The following NUFIP2 variants were observed in gnomAD, a reference collection of about 807,000 sequenced individuals.
NUFIP2 encodes the protein nuclear FMR1 interacting protein 2, also known as FMR1-interacting protein NUFIP2.
In NUFIP2, 6 loss-of-function variants were observed where a neutral mutation model predicts 56.9. The ratio of observed to expected loss-of-function variants is 0.11; its 90% CI spans 0.06 to 0.21. NUFIP2 has a LOEUF of 0.21. NUFIP2 is among the 10% of genes least tolerant of loss of function. The pLI is 1.00. For synonymous variants in NUFIP2, 321 were observed against 298.2 expected (o/e 1.08, Z -0.79); for missense variants, 828 against 826.8 (o/e 1.00, Z -0.02).
At chr17:29,290,993 C>T (rs1243900304) in intron 1 of NUFIP2, among the ~76,000 whole-genome samples, 1 of 147,772 alleles carries the variant, frequency 6.8e-6, no homozygotes, top group African/African-American at 2.5e-5. Context: ...AATGAAAAAA[C>T]GGCTTAGAAG....
At chr17:29,293,157 G>C (rs1392093379) in intron 1 of NUFIP2, among the ~76,000 whole-genome samples, 1 of 151,698 alleles carries the variant, frequency 6.6e-6, no homozygotes. Flanking sequence ...AGGAGCCGCG[G>C]GACAAGACTG....
At chr17:29,277,093 C>T (rs1410664229) in intron 2 of NUFIP2, among the ~76,000 whole-genome samples, 19 of 152,240 alleles carry the variant, frequency 1.2e-4, no homozygotes, top group African/African-American at 3.6e-4. Context: ...AGCACAATCT[C>T]GGTTCACAGC....
rs1490307998 is a variant in NUFIP2, at chr17:29,256,987, C to G, written c.*7552G>C. 1 of 152,106 alleles carries G rather than the reference C, an allele frequency of 6.6e-6. No homozygotes were observed. The highest frequency in any genetic ancestry group is 1.9e-4 in the East Asian group (1 of 5,204). 9.4% of individuals were successfully genotyped at this position (152,106 alleles called of 1,614,324 possible). A position where few individuals can be genotyped will look rare whatever the true frequency, so the allele number is the denominator to read the frequency against. On this transcript the variant is annotated 3_prime_UTR_variant, in exon 4 of 4. Coordinates refer to ENST00000225388, the MANE Select transcript of NUFIP2 (RefSeq NM_020772.3). ...TCCTACCTTTAAACCAGCTTTAAGACAAAAAATCGTCACCAAGTTCCATAT... is the reference window on the plus strand; with the variant it reads ...TCCTACCTTTAAACCAGCTTTAAGAGAAAAAATCGTCACCAAGTTCCATAT...
chr17:29,290,516 C>T (rs1396050390), intron 1 of NUFIP2, among the ~76,000 whole-genome samples: 2 of 151,496 alleles, frequency 1.3e-5, no homozygotes, highest in Admixed American at 6.6e-5. Context: ...AAAAAATCAG[C>T]TGGGCATGGT....
At position 29,260,069 on chromosome 17, in the gene NUFIP2, A is replaced by G. The variant is rs762281067; in HGVS notation, c.*4470T>C. 1 of 152,232 alleles carries G rather than the reference A, an allele frequency of 6.6e-6. No individual in the cohort carries two copies. Among genetic ancestry groups the G allele is most frequent in the African/African-American group, 2.4e-5 (1 of 41,468 alleles). 9.4% of individuals were successfully genotyped at this position (152,232 alleles called of 1,614,324 possible). ...TTGATTAATTACATTAGTAAAAATAACATCGATATTAAGAACTAATGTTAA... is the reference window on the plus strand; with the variant it reads ...TTGATTAATTACATTAGTAAAAATAGCATCGATATTAAGAACTAATGTTAA... On this transcript the variant is annotated 3_prime_UTR_variant, in exon 4 of 4. Coordinates refer to ENST00000225388, the MANE Select transcript of NUFIP2 (RefSeq NM_020772.3).
In NUFIP2 at chr17:29,273,975, G is replaced by GA. The variant is rs545506734; in HGVS notation, c.2003-6446dup. Among the ~76,000 whole-genome samples, 16 of 151,050 alleles carry GA rather than the reference G, an allele frequency of 1.1e-4. 1 individual carries two copies. The highest frequency in any genetic ancestry group is 4.2e-4 in the South Asian group (2 of 4,726). On this transcript the variant is annotated intron_variant, in intron 2 of 3. Coordinates refer to ENST00000225388, the MANE Select transcript of NUFIP2 (RefSeq NM_020772.3). ...AATACTACTCACCAGCTCAGGGTAT[G>GA]AAAAAAAAATACTACTCACCAGCTC... is the stretch of plus-strand genomic sequence containing the variant.
At chr17:29,267,242 C>T (rs1365417929) in intron 3 of NUFIP2, among the ~76,000 whole-genome samples, 6 of 149,328 alleles carry the variant, frequency 4.0e-5, no homozygotes, top group Admixed American at 2.7e-4. Context: ...AAAATAGAGA[C>T]GGGGTCTGGC....
At chr17:29,291,342 G>T (rs763292232) in intron 1 of NUFIP2, among the ~76,000 whole-genome samples, 6 of 151,870 alleles carry the variant, frequency 4.0e-5, no homozygotes, top group African/African-American at 9.7e-5. Context: ...CCCTCTTCTG[G>T]ATTAAAAAAA....
chr17:29,283,113 T>C (rs1281471282), intron 2 of NUFIP2, among the ~76,000 whole-genome samples: 1 of 152,176 alleles, frequency 6.6e-6, no homozygotes, highest in Non-Finnish European at 1.5e-5. Context: ...CTACAGCAAA[T>C]TTTTTCATTA....
chr17:29,270,323 A>AG (rs1229659474), intron 2 of NUFIP2, among the ~76,000 whole-genome samples: 1 of 129,960 alleles, frequency 7.7e-6, no homozygotes, highest in East Asian at 2.5e-4. Flanking sequence ...TCTAACCTGG[A>AG]GAAAAAAAAA....
Position 29,287,710 on chromosome 17 carries a change from C to T in NUFIP2, c.284G>A (p.Gly95Asp). The change falls in exon 2 of 4, where the codon GGT becomes GAT. Residue 95 changes from glycine to aspartate, a missense_variant. Gly to Asp is a moderately conservative substitution (Grantham distance 94). This residue lies in a region of NUFIP2 where 415 missense variants were observed against 408.7 expected (regional missense o/e 1.02). Coordinates refer to ENST00000225388, the MANE Select transcript of NUFIP2 (RefSeq NM_020772.3). Reference sequence around the variant, plus strand: ...TTCTCCAGCATTACCGTTTAGTTCACCATAGCCTAGGGGAGGGGAAAAAAA... The same window carrying T: ...TTCTCCAGCATTACCGTTTAGTTCATCATAGCCTAGGGGAGGGGAAAAAAA... ...QETPKKKTGYGELNGNAGERE... is the reference protein window; with the variant it reads ...QETPKKKTGYDELNGNAGERE... 6.3e-7 allele frequency: 1 copy of T among 1,596,442 alleles called. No individual in the cohort carries two copies. The highest frequency in any genetic ancestry group is 8.5e-7 in the Non-Finnish European group (1 of 1,173,446).
chr17:29,280,186 A>T (rs1237329803), intron 2 of NUFIP2, among the ~76,000 whole-genome samples: 1 of 152,238 alleles, frequency 6.6e-6, no homozygotes, highest in Non-Finnish European at 1.5e-5. Flanking sequence ...GTGCCATAAC[A>T]GCCATGTAAG....
rs1387825391 is a variant in NUFIP2 at position 29,286,091 on chromosome 17, A to ACAAAGTGTTCGTAGGAGAGGC, written c.1882_1902dup (p.Ala628_Leu634dup). On this transcript the variant is annotated inframe_insertion, in exon 2 of 4. Coordinates refer to ENST00000225388, the MANE Select transcript of NUFIP2 (RefSeq NM_020772.3). ...TATCTCTGTTCTTTGGCAGAGCCTA[A>ACAAAGTGTTCGTAGGAGAGGC]CAAAGTGTTCGTAGGAGAGGCCAGA... The ACAAAGTGTTCGTAGGAGAGGC allele has an allele frequency of 3.7e-6, 6 of 1,614,092 alleles. No individual in the cohort carries two copies. The highest frequency in any genetic ancestry group is 4.2e-6 in the Non-Finnish European group (5 of 1,179,946).
intron 2 of NUFIP2, among the ~76,000 whole-genome samples, chr17:29,272,364 C>T (rs1198349731): frequency 1.3e-5 from 2 of 151,666 alleles, no homozygotes; most frequent in African/African-American, 4.8e-5. Flanking sequence ...CCTCAGCCTC[C>T]CGAATAGCTG....
rs114067254 is a variant in NUFIP2 at position 29,287,671 on chromosome 17, A to G, written c.323T>C (p.Leu108Ser). 1.0e-3 allele frequency: 1,660 copies of G among 1,613,020 alleles called. 14 individuals carry two copies. The African/African-American group carries it at 0.02, about 19-fold the overall frequency. ...GGCTTCATCAGAACTCAGGTTCTTT[A>G]AAGATATTTCTCTTTCTCCAGCATT... ...NGNAGEREISLKNLSSDEATN... is the reference protein window; with the variant it reads ...NGNAGEREISSKNLSSDEATN... Residue 108 changes from leucine (L) to serine (S), a missense_variant, in exon 2 of 4, where the codon TTA becomes TCA. Transcript: ENST00000225388.
At position 29,286,202 on chromosome 17, in the gene NUFIP2, T is replaced by C. The variant is rs1357149856; in HGVS notation, c.1792A>G (p.Ile598Val). The change falls in exon 2 of 4, where the codon ATA becomes GTA. Residue 598 changes from isoleucine (I) to valine (V), a missense_variant. Transcript: ENST00000225388. ...SGALSLEPSHIGDLQKADTSS... is the reference protein window; with the variant it reads ...SGALSLEPSHVGDLQKADTSS... ...GTGTCTGCTTTCTGCAGGTCACCTATATGACTGGGTTCCAAGGATAAGGCT... is the reference window on the plus strand; with the variant it reads ...GTGTCTGCTTTCTGCAGGTCACCTACATGACTGGGTTCCAAGGATAAGGCT... The C allele has an allele frequency of 1.9e-6, 3 of 1,614,016 alleles. No homozygotes were observed. In the African/African-American group the frequency reaches 4.0e-5, roughly 22 times the overall value.
intron 3 of NUFIP2, among the ~76,000 whole-genome samples, chr17:29,265,622 T>C (rs1199342691): frequency 6.8e-6 from 1 of 146,612 alleles, no homozygotes; most frequent in Non-Finnish European, 1.5e-5. Context: ...TTTTATTATA[T>C]ATTATTTTAT....
In NUFIP2 at chr17:29,286,700, C is replaced by T. The variant is rs549331208; in HGVS notation, c.1294G>A (p.Gly432Ser). The T allele has an allele frequency of 2.9e-5, 47 of 1,613,950 alleles. No homozygotes were observed. Among genetic ancestry groups the T allele is most frequent in the Non-Finnish European group, 3.1e-5 (36 of 1,180,030 alleles). ...GCAGCAGTAGTTAGCAGTGGCTGAC[C>T]CCCTGGAGGATAAACATTTCCATCA... Reference protein sequence around the residue: ...GTDGNVYPPGGQPLLTTAANT... With the variant: ...GTDGNVYPPGSQPLLTTAANT... Residue 432 changes from glycine (G) to serine (S), a missense_variant, in exon 2 of 4, where the codon GGT becomes AGT. Transcript: ENST00000225388.
rs375937559 is a variant in NUFIP2 at position 29,294,095 on chromosome 17, G to C, written c.-36C>G. 6.4e-7 allele frequency: 1 copy of C among 1,563,502 alleles called. No individual in the cohort carries two copies. Among genetic ancestry groups the C allele is most frequent in the African/African-American group, 1.3e-5 (1 of 74,214 alleles). On this transcript the variant is annotated 5_prime_UTR_variant, in exon 1 of 4. Coordinates refer to ENST00000225388, the MANE Select transcript of NUFIP2 (RefSeq NM_020772.3). The stretch of plus-strand genomic sequence containing the variant: ...TGGGACTCCCTGGCTGAGGCTGCGG[G>C]CTGCTGCACCGTCAGGATCTGAGAC...
Sources: allele counts gnomAD v4.1 joint callset (sites outside exome capture counted in the v4.1 genomes callset), GRCh38; gene constraint gnomAD v4.1.1; regional missense constraint gnomAD v4.1.1; transcripts MANE v1.5; gene names NCBI Gene and HGNC (gene_info 2026-07-23, HGNC 2026-07-21).